The following COL26A1 variants were observed in gnomAD, a reference collection of about 807,000 sequenced individuals.
COL26A1 encodes the protein collagen type XXVI alpha 1 chain, also known as collagen alpha-1(XXVI) chain.
In COL26A1, 41 loss-of-function variants were observed where a neutral mutation model predicts 59.3. The ratio of observed to expected loss-of-function variants is 0.69; its 90% confidence interval spans 0.54 to 0.90. The LOEUF is 0.90. Among genes scored for constraint, COL26A1 ranks in the 40% least tolerant of loss-of-function variants. The pLI is 0.00. For missense variants in COL26A1, 612 were observed against 602.3 expected (o/e 1.02, Z -0.17); for synonymous variants, 266 against 256.0 (o/e 1.04, Z -0.37).
chr7:101,508,646 G>T (rs1794861515), intron 3 of COL26A1, among the ~76,000 whole-genome samples: 1 of 150,448 alleles, frequency 6.6e-6, no homozygotes, highest in Non-Finnish European at 1.5e-5. Flanking sequence ...CGGGCACAGA[G>T]AATCTTATTT....
intron 9 of COL26A1, 96 bp from the exon 10 acceptor site, chr7:101,551,012 C>T: frequency 7.3e-7 from 1 of 1,361,714 alleles, no homozygotes; most frequent in Non-Finnish European, 1.0e-6. Flanking sequence ...CTTCTGCAGA[C>T]TCAGAGCACA....
intron 3 of COL26A1, among the ~76,000 whole-genome samples, chr7:101,481,389 C>G (rs764508422): frequency 5.1e-4 from 77 of 149,782 alleles, no homozygotes; most frequent in Non-Finnish European, 8.1e-4. Context: ...TTCTTGGGAA[C>G]TCAGCTATGC....
chr7:101,488,668 G>A (rs923892697), intron 3 of COL26A1, among the ~76,000 whole-genome samples: 10 of 151,924 alleles, frequency 6.6e-5, no homozygotes, highest in Non-Finnish European at 1.2e-4. Context: ...AAGCCACCGC[G>A]CCCGAACTTT....
chr7:101,384,169 A>G (rs1584357991), intron 1 of COL26A1, among the ~76,000 whole-genome samples: 1 of 147,368 alleles, frequency 6.8e-6, no homozygotes, highest in East Asian at 2.0e-4. Flanking sequence ...GTGCGCCACC[A>G]TGCTTGACTA....
At chr7:101,520,869 A>G (rs1164051160) in intron 3 of COL26A1, among the ~76,000 whole-genome samples, 1 of 152,142 alleles carries the variant, frequency 6.6e-6, no homozygotes, top group Non-Finnish European at 1.5e-5. Context: ...AGGAAGCCTC[A>G]CCAGATGGCT....
At chr7:101,451,271 ATATATT>A (rs1410571489) in intron 3 of COL26A1, among the ~76,000 whole-genome samples, 3 of 145,690 alleles carry the variant, frequency 2.1e-5, no homozygotes, top group South Asian at 2.1e-4. Flanking sequence ...AATATGAAAG[ATATATT>A]TATATATGAT....
chr7:101,460,076 C>T (rs367794386), intron 3 of COL26A1, among the ~76,000 whole-genome samples: 11 of 152,282 alleles, frequency 7.2e-5, no homozygotes, highest in African/African-American at 2.6e-4. Flanking sequence ...GTTTCTGAGA[C>T]TTGCCTTCCA....
intron 1 of COL26A1, among the ~76,000 whole-genome samples, chr7:101,397,388 C>CT (rs371128025): frequency 5.6e-4 from 84 of 150,280 alleles, no homozygotes; most frequent in East Asian, 2.9e-3. Context: ...CATCTTCTTT[C>CT]TTTTTTTTTA....
At chr7:101,551,845 GGGA>G (rs1795870500) in intron 10 of COL26A1, among the ~76,000 whole-genome samples, 1 of 152,176 alleles carries the variant, frequency 6.6e-6, no homozygotes, top group African/African-American at 2.4e-5. Context: ...GTGTGGGGCG[GGGA>G]GGAGGAGTGG....
intron 1 of COL26A1, among the ~76,000 whole-genome samples, chr7:101,391,747 G>A (rs191006600): frequency 3.3e-5 from 5 of 152,118 alleles, no homozygotes; most frequent in Non-Finnish European, 7.3e-5. Context: ...TAGAGACGGG[G>A]TATCACCATG....
At chr7:101,475,766 CTCTTTCTT>C (rs754290439) in intron 3 of COL26A1, among the ~76,000 whole-genome samples, 14,137 of 120,062 alleles carry the variant, frequency 0.12, 1,463 homozygotes, top group African/African-American at 0.32. Flanking sequence ...TTCTTTCTTT[CTCTTTCTT>C]TCTTTCTTTC....
intron 3 of COL26A1, among the ~76,000 whole-genome samples, chr7:101,500,433 C>T (rs1465044191): frequency 1.3e-5 from 2 of 152,238 alleles, no homozygotes; most frequent in Non-Finnish European, 2.9e-5. Flanking sequence ...TGGAGACCAC[C>T]TCCCAACTTC....
chr7:101,394,590 T>TC (rs968562289), intron 1 of COL26A1, among the ~76,000 whole-genome samples: 3 of 144,956 alleles, frequency 2.1e-5, no homozygotes, highest in South Asian at 2.2e-4. Context: ...CTTTTCTTTT[T>TC]TTTTTTTTTT....
intron 1 of COL26A1, 50 bp from the exon 2 acceptor site, chr7:101,419,927 G>C: frequency 6.3e-7 from 1 of 1,595,082 alleles, no homozygotes; most frequent in Non-Finnish European, 8.6e-7. Context: ...ACCCGAAGTT[G>C]GCAGCTCTGG....
chr7:101,371,656 G>C (rs1357495189), intron 1 of COL26A1, among the ~76,000 whole-genome samples: 2 of 152,108 alleles, frequency 1.3e-5, no homozygotes, highest in Admixed American at 6.6e-5. Context: ...GTTGGGCATG[G>C]TGGTGCACAC....
intron 3 of COL26A1, among the ~76,000 whole-genome samples, chr7:101,473,482 T>C (rs994501494): frequency 2.6e-4 from 39 of 151,248 alleles, no homozygotes; most frequent in African/African-American, 9.0e-4. Context: ...TCCCACCACC[T>C]CTAGTTGTGA....
At chr7:101,367,980 C>T (rs13224217) in intron 1 of COL26A1, among the ~76,000 whole-genome samples, 88,041 of 151,864 alleles carry the variant, frequency 0.58, 27,079 homozygotes, top group African/African-American at 0.8. Flanking sequence ...TACAAGTCTC[C>T]TCCACTGTCT....
At chr7:101,391,593 TCTTCTGCC>T (rs1382885142) in intron 1 of COL26A1, among the ~76,000 whole-genome samples, 1 of 152,344 alleles carries the variant, frequency 6.6e-6, no homozygotes, top group East Asian at 1.9e-4. Flanking sequence ...GGAGTCTCAC[TCTTCTGCC>T]CAGGCTGGAG....
chr7:101,400,999 G>A (rs575717553), intron 1 of COL26A1, among the ~76,000 whole-genome samples: 1 of 152,312 alleles, frequency 6.6e-6, no homozygotes, highest in African/African-American at 2.4e-5. Flanking sequence ...CAGTTACACG[G>A]GTCAGGTGGA....
Sources: gnomAD v4.1 joint callset for allele counts (sites outside exome capture counted in the v4.1 genomes callset) on GRCh38, gnomAD v4.1.1 for gene constraint, MANE v1.5 for transcripts, NCBI Gene and HGNC (gene_info 2026-07-23, HGNC 2026-07-21) for gene names.